The following ANKRD55 variants were observed in gnomAD, a reference collection of about 807,000 sequenced individuals.
The protein encoded by ANKRD55 is ankyrin repeat domain-containing protein 55.
Under a neutral mutation model 60.6 loss-of-function variants are expected in ANKRD55, and 41 were observed. That is an observed-to-expected ratio of 0.68 (90% confidence interval 0.53 to 0.88). The LOEUF is 0.88. Among genes scored for constraint, ANKRD55 ranks in the 40% least tolerant of loss-of-function variants. The pLI is 0.00. For missense variants in ANKRD55, 732 were observed against 767.6 expected (o/e 0.95, Z 0.55); for synonymous variants, 264 against 290.3 (o/e 0.91, Z 0.92).
chr5:56,230,874 C>G (rs1309756076), intron 2 of ANKRD55, among the ~76,000 whole-genome samples: 1 of 152,130 alleles, frequency 6.6e-6, no homozygotes, highest in Non-Finnish European at 1.5e-5. Flanking sequence ...TCAGAAACTC[C>G]CAGTCCAAGG....
intron 8 of ANKRD55, among the ~76,000 whole-genome samples, chr5:56,123,509 A>G (rs1757141881): frequency 6.6e-6 from 1 of 152,124 alleles, no homozygotes; most frequent in African/African-American, 2.4e-5. Flanking sequence ...GTTCCATTCT[A>G]TGTGAGAGAG....
chr5:56,186,567 CT>C (rs1758979333), intron 2 of ANKRD55, among the ~76,000 whole-genome samples: 1 of 152,122 alleles, frequency 6.6e-6, no homozygotes, highest in Non-Finnish European at 1.5e-5. Context: ...ATTCTGTGTG[CT>C]TTTAGAACAA....
At chr5:56,114,315 C>T (rs10940498) in intron 9 of ANKRD55, 20,031 of 152,862 alleles carry the variant, frequency 0.13, 1,771 homozygotes, top group Middle Eastern at 0.2. Flanking sequence ...GCAACAAGAG[C>T]GAAACTCCAT....
At chr5:56,128,935 T>C (rs6894999) in intron 7 of ANKRD55, among the ~76,000 whole-genome samples, 8,760 of 152,262 alleles carry the variant, frequency 0.058, 844 homozygotes, top group African/African-American at 0.2. Context: ...AAGTGAAAAC[T>C]GTTTAGACCT....
At chr5:56,220,921 TTC>T in intron 2 of ANKRD55, among the ~76,000 whole-genome samples, 2 of 152,330 alleles carry the variant, frequency 1.3e-5, no homozygotes, top group Middle Eastern at 6.8e-3. Flanking sequence ...CCATCTCTCT[TTC>T]TCTCTTCTCC....
chr5:56,121,092 A>G (rs1400493096), intron 8 of ANKRD55, among the ~76,000 whole-genome samples: 2 of 152,048 alleles, frequency 1.3e-5, no homozygotes, highest in East Asian at 1.9e-4. Flanking sequence ...CAGCACTGAC[A>G]CAGCTGAACA....
chr5:56,192,163 T>C (rs969535289), intron 2 of ANKRD55, among the ~76,000 whole-genome samples: 22 of 152,300 alleles, frequency 1.4e-4, no homozygotes, highest in African/African-American at 5.3e-4. Context: ...CTATGTTTCT[T>C]TCCACACTGC....
At chr5:56,111,805 G>C (rs765803350) in intron 9 of ANKRD55, 23 bp from the exon 10 acceptor site, 2 of 1,471,338 alleles carry the variant, frequency 1.4e-6, no homozygotes, top group Non-Finnish European at 1.8e-6. Flanking sequence ...AAAAGAGCAG[G>C]GATGATATGT....
chr5:56,180,073 G>A (rs555896359), intron 3 of ANKRD55, among the ~76,000 whole-genome samples: 93 of 152,278 alleles, frequency 6.1e-4, no homozygotes, highest in Non-Finnish European at 1.3e-3. Context: ...GGCCTTTTTG[G>A]TGGTGGGAAC....
intron 9 of ANKRD55, among the ~76,000 whole-genome samples, chr5:56,112,781 C>T (rs1756771986): frequency 6.6e-6 from 1 of 152,154 alleles, no homozygotes; most frequent in Non-Finnish European, 1.5e-5. Context: ...TGAAACCTGA[C>T]CCGTGTGTGT....
intron 10 of ANKRD55, among the ~76,000 whole-genome samples, chr5:56,106,420 CTTTTTTTTT>C (rs71602938): frequency 6.2e-5 from 6 of 96,936 alleles, no homozygotes; most frequent in Non-Finnish European, 5.5e-5. Flanking sequence ...GCTAGGAAAG[CTTTTTTTTT>C]TTTTTTTTTT....
At chr5:56,225,243 T>C (rs1349413154) in intron 2 of ANKRD55, among the ~76,000 whole-genome samples, 1 of 152,164 alleles carries the variant, frequency 6.6e-6, no homozygotes, top group Non-Finnish European at 1.5e-5. Flanking sequence ...CACGTGATTA[T>C]CTCAATAGAT....
rs189028040 is a variant in ANKRD55 at position 56,159,317 on chromosome 5, C to T, written c.483+516G>A. On this transcript the variant is annotated intron_variant, in intron 6 of 11. Transcript: ENST00000341048. ...TCTCTACTAAAAGTACAAAATTAGC[C>T]GGGTGTGGTGGCGCCTGCTTGTAAT... Among the ~76,000 whole-genome samples the T allele has an allele frequency of 4.1e-3, 618 of 152,240 alleles. 3 individuals carry two copies. Among genetic ancestry groups the T allele is most frequent in the Non-Finnish European group, 6.4e-3 (435 of 68,022 alleles).
At chr5:56,154,200 C>CAA (rs367809782) in intron 6 of ANKRD55, among the ~76,000 whole-genome samples, 1,695 of 63,514 alleles carry the variant, frequency 0.027, 105 homozygotes, top group Middle Eastern at 0.042. Flanking sequence ...GACTCTGTCT[C>CAA]AAAAAAAAAA....
At position 56,111,579 on chromosome 5, in the gene ANKRD55, C is replaced by A. The variant is rs1379960517; in HGVS notation, c.1169G>T (p.Gly390Val). 1.2e-6 allele frequency: 2 copies of A among 1,607,914 alleles called. No homozygotes were observed. The highest frequency in any genetic ancestry group is 1.1e-5 in the South Asian group (1 of 89,982). Residue 390 changes from glycine to valine, a missense_variant, in exon 10 of 12, where the codon GGT becomes GTT. Around this residue, in one of 3 missense-constraint regions of ANKRD55, gnomAD observed 597 missense variants for 607.5 expected, o/e 0.98. Coordinates refer to ENST00000341048, the MANE Select transcript of ANKRD55 (RefSeq NM_024669.3). ...ACCAGGCTGTTCTTGGCAGTTGGTA[C>A]CCACGATGCTATCAAAGGTGGTGAT... is the stretch of plus-strand genomic sequence containing the variant. Reference protein sequence around the residue: ...DIITTFDSIVGTNCQEQPGDQ... With the variant: ...DIITTFDSIVVTNCQEQPGDQ...
intron 3 of ANKRD55, among the ~76,000 whole-genome samples, chr5:56,181,417 A>G (rs1758846688): frequency 6.6e-6 from 1 of 152,072 alleles, no homozygotes; most frequent in African/African-American, 2.4e-5. Context: ...GATTTTTATT[A>G]TTAATATGTG....
rs1056347232 is a variant in ANKRD55, at chr5:56,159,738, C to T, written c.483+95G>A. On this transcript the variant is annotated intron_variant, in intron 6 of 11. Transcript: ENST00000341048. ...CACAGAACCATGCCTCATGTCTCCC[C>T]GTAGCTTTTAAGAGGAAGCACAATG... 56 of 1,233,664 alleles carry T rather than the reference C, an allele frequency of 4.5e-5. No homozygotes were observed. The African/African-American group carries it at 5.0e-4, about 11-fold the overall frequency. The allele number at this position is 1,233,664 out of a possible 1,614,324, so 76.4% of individuals were successfully genotyped here. A position where few individuals can be genotyped will look rare whatever the true frequency, so the allele number is the denominator to read the frequency against.
intron 2 of ANKRD55, among the ~76,000 whole-genome samples, chr5:56,213,184 A>G (rs375339752): frequency 8.5e-4 from 130 of 152,336 alleles, no homozygotes; most frequent in Admixed American, 2.2e-3. Context: ...TCTCATTTCA[A>G]TCAAAGTTCC....
At chr5:56,205,203 G>C (rs1759472114) in intron 2 of ANKRD55, among the ~76,000 whole-genome samples, 1 of 152,152 alleles carries the variant, frequency 6.6e-6, no homozygotes, top group African/African-American at 2.4e-5. Flanking sequence ...TGGGATTACA[G>C]GTGCCTGCCA....
Sources: allele counts gnomAD v4.1 joint callset (sites outside exome capture counted in the v4.1 genomes callset), GRCh38; gene constraint gnomAD v4.1.1; regional missense constraint gnomAD v4.1.1; transcripts MANE v1.5; gene names NCBI Gene and HGNC (gene_info 2026-07-23, HGNC 2026-07-21).